TECRL: variants seen among roughly 807,000 people sequenced by gnomAD.
The protein encoded by TECRL is trans-2,3-enoyl-CoA reductase like.
Under a neutral mutation model 52.8 loss-of-function variants are expected in TECRL, and 63 were observed. The ratio of observed to expected loss-of-function variants is 1.19; its 90% confidence interval spans 0.97 to 1.47. TECRL has a LOEUF of 1.47. Among genes scored for constraint, TECRL ranks in the 40% most tolerant of loss-of-function variants. TECRL has a pLI of 0.00. For synonymous variants in TECRL, 164 were observed against 141.9 expected (o/e 1.16, Z -1.10); for missense variants, 482 against 429.6 (o/e 1.12, Z -1.08).
At chr4:64,407,965 C>A (rs1724838254) in intron 1 of TECRL, among the ~76,000 whole-genome samples, 1 of 151,322 alleles carries the variant, frequency 6.6e-6, no homozygotes, top group Admixed American at 6.6e-5. Context: ...TTATATATGG[C>A]CTCAGTAGAA....
chr4:64,322,631 A>G (rs1717982749), intron 4 of TECRL, 58 bp downstream of exon 4: 2 of 1,239,674 alleles, frequency 1.6e-6, no homozygotes, highest in Non-Finnish European at 2.3e-6. Flanking sequence ...TAATCTGTCA[A>G]TAAATTATTT....
intron 7 of TECRL, among the ~76,000 whole-genome samples, chr4:64,302,517 C>T (rs1724080610): frequency 6.6e-6 from 1 of 151,390 alleles, no homozygotes; most frequent in African/African-American, 2.4e-5. Flanking sequence ...GTTGAAGGAG[C>T]ATACCTTATA....
intron 1 of TECRL, among the ~76,000 whole-genome samples, chr4:64,388,525 T>C (rs183250987): frequency 3.1e-4 from 47 of 152,050 alleles, no homozygotes; most frequent in Admixed American, 3.0e-3. Context: ...CCTCTTCATA[T>C]ATACTTTAGA....
chr4:64,390,478 A>C (rs144190173), intron 1 of TECRL, among the ~76,000 whole-genome samples: 46 of 151,952 alleles, frequency 3.0e-4, no homozygotes, highest in South Asian at 1.4e-3. Flanking sequence ...TGTTCATTCT[A>C]CTTGGAAACT....
intron 2 of TECRL, 28 bp downstream of exon 2, chr4:64,375,144 T>C (rs750443949): frequency 8.7e-7 from 1 of 1,143,582 alleles, no homozygotes; most frequent in Non-Finnish European, 1.2e-6. Context: ...CATTATGATG[T>C]AAATTCTAAA....
At chr4:64,344,585 C>A (rs1442528813) in intron 2 of TECRL, among the ~76,000 whole-genome samples, 1 of 151,944 alleles carries the variant, frequency 6.6e-6, no homozygotes, top group Non-Finnish European at 1.5e-5. Flanking sequence ...GAAAATGGTG[C>A]CTGACATTTA....
At chr4:64,301,978 G>A (rs1354580447) in intron 7 of TECRL, among the ~76,000 whole-genome samples, 1 of 151,122 alleles carries the variant, frequency 6.6e-6, no homozygotes, top group Non-Finnish European at 1.5e-5. Context: ...TCTGTATAAT[G>A]TTTCACATTT....
intron 2 of TECRL, among the ~76,000 whole-genome samples, chr4:64,332,646 G>A (rs1209004575): frequency 6.6e-6 from 1 of 152,032 alleles, no homozygotes; most frequent in African/African-American, 2.4e-5. Context: ...TAAAATACAA[G>A]ACAGAATTAT....
rs1320182301 is a variant in TECRL, at chr4:64,307,882, A to G, written c.657+1944T>C. On this transcript the variant is annotated intron_variant, in intron 6 of 11. Coordinates refer to ENST00000381210, the MANE Select transcript of TECRL (RefSeq NM_001010874.5). ...CAAGGGAAGGCCTTATCCAGTTGGA[A>G]AGACAGCAGTACCGTTGAATGACCT... Among the ~76,000 whole-genome samples the G allele has an allele frequency of 3.3e-5, 5 of 152,292 alleles. No individual in the cohort carries two copies. In the East Asian group the frequency reaches 9.7e-4, roughly 29 times the overall value.
chr4:64,362,492 G>A (rs1721268668), intron 2 of TECRL, among the ~76,000 whole-genome samples: 1 of 151,934 alleles, frequency 6.6e-6, no homozygotes, highest in African/African-American at 2.4e-5. Context: ...ACCCCATCAG[G>A]CTAACACCAG....
At chr4:64,387,949 T>C (rs1203269570) in intron 1 of TECRL, among the ~76,000 whole-genome samples, 1 of 151,828 alleles carries the variant, frequency 6.6e-6, no homozygotes, top group African/African-American at 2.4e-5. Flanking sequence ...TTTGCAAATA[T>C]TTTTTCCAGT....
At chr4:64,366,365 T>G (rs1009789929) in intron 2 of TECRL, among the ~76,000 whole-genome samples, 1 of 152,106 alleles carries the variant, frequency 6.6e-6, no homozygotes, top group Non-Finnish European at 1.5e-5. Flanking sequence ...AAAGATTTCA[T>G]GACAAAGATG....
chr4:64,400,836 C>T (rs1042217340), intron 1 of TECRL, among the ~76,000 whole-genome samples: 5 of 152,148 alleles, frequency 3.3e-5, no homozygotes, highest in African/African-American at 9.7e-5. Flanking sequence ...ACTAGGCTTC[C>T]TGTACAGCCT....
intron 8 of TECRL, among the ~76,000 whole-genome samples, chr4:64,293,832 ATAAT>A (rs961564953): frequency 6.6e-6 from 1 of 151,906 alleles, no homozygotes; most frequent in African/African-American, 2.4e-5. Context: ...CACAATAAAA[ATAAT>A]TAATCCTTAT....
chr4:64,364,121 T>C (rs148023065), intron 2 of TECRL, among the ~76,000 whole-genome samples: 2 of 152,124 alleles, frequency 1.3e-5, no homozygotes, highest in African/African-American at 2.4e-5. Context: ...CAGAGCCATA[T>C]ATCTACGTAG....
At chr4:64,400,052 A>G (rs1426085180) in intron 1 of TECRL, among the ~76,000 whole-genome samples, 3 of 152,192 alleles carry the variant, frequency 2.0e-5, no homozygotes, top group African/African-American at 4.8e-5. Context: ...CTCAATGCCA[A>G]CCTACCAGCC....
chr4:64,283,684 G>A (rs764890849), intron 9 of TECRL, among the ~76,000 whole-genome samples: 1 of 152,024 alleles, frequency 6.6e-6, no homozygotes, highest in Non-Finnish European at 1.5e-5. Flanking sequence ...CTAAGGAACA[G>A]GTCCAGGTCT....
At chr4:64,394,887 A>C (rs1453431312) in intron 1 of TECRL, among the ~76,000 whole-genome samples, 1 of 151,676 alleles carries the variant, frequency 6.6e-6, no homozygotes, top group Non-Finnish European at 1.5e-5. Context: ...CTAATGTTAC[A>C]AGTCAAAAAA....
At chr4:64,368,890 A>G (rs1721797251) in intron 2 of TECRL, among the ~76,000 whole-genome samples, 1 of 152,110 alleles carries the variant, frequency 6.6e-6, no homozygotes, top group East Asian at 1.9e-4. Context: ...AAAGTTTAGC[A>G]TTATTTGTAT....
Sources: gnomAD v4.1 joint callset for allele counts (sites outside exome capture counted in the v4.1 genomes callset) on GRCh38, gnomAD v4.1.1 for gene constraint, MANE v1.5 for transcripts, NCBI Gene and HGNC (gene_info 2026-07-23, HGNC 2026-07-21) for gene names.